TTC22: variants seen among roughly 807,000 people sequenced by gnomAD.
The protein encoded by TTC22 is tetratricopeptide repeat domain 22.
Under a neutral mutation model 48.2 loss-of-function variants are expected in TTC22, and 42 were observed. The observed-to-expected ratio is 0.87, with a 90% CI of 0.68 to 1.13. The LOEUF is 1.13. TTC22 is among the 50% of genes most tolerant of loss of function. TTC22 has a pLI of 0.00. For synonymous variants in TTC22, 345 were observed against 365.5 expected, an observed-to-expected ratio of 0.94 and a Z score of 0.64; for missense variants, 784 against 807.0, an observed-to-expected ratio of 0.97 and a Z score of 0.34.
chr1:54,797,915 C>T (rs1026254460), intron 1 of TTC22, among the ~76,000 whole-genome samples: 5 of 152,130 alleles, frequency 3.3e-5, no homozygotes, highest in African/African-American at 7.2e-5. Context: ...GAAAATCTCT[C>T]GCTGCAGGGG....
chr1:54,787,686 T>C (rs746628921), intron 3 of TTC22, 25 bp downstream of exon 3: 2 of 1,569,502 alleles, frequency 1.3e-6, no homozygotes, highest in South Asian at 1.1e-5. Flanking sequence ...GAGGCTGCTG[T>C]CCCACCCATC....
At chr1:54,790,832 T>G (rs1007749718) in intron 1 of TTC22, among the ~76,000 whole-genome samples, 4 of 151,832 alleles carry the variant, frequency 2.6e-5, no homozygotes, top group African/African-American at 9.7e-5. Context: ...TCTTCTTCCT[T>G]CTTCTTCTCC....
intron 5 of TTC22, chr1:54,785,782 C>T: frequency 3.5e-6 from 2 of 564,324 alleles, no homozygotes; most frequent in East Asian, 3.1e-5. Flanking sequence ...CACCATACTC[C>T]AGTTGGGTGA....
intron 1 of TTC22, among the ~76,000 whole-genome samples, chr1:54,799,859 T>C (rs1646419420): frequency 6.6e-6 from 1 of 152,234 alleles, no homozygotes; most frequent in South Asian, 2.1e-4. Flanking sequence ...AAGTGAGGGA[T>C]GTCCCTGTTT....
chr1:54,786,344 C>T (rs1314609056), intron 4 of TTC22, 200 bp from the exon 5 acceptor site: 1 of 528,164 alleles, frequency 1.9e-6, no homozygotes, highest in Non-Finnish European at 3.4e-6. Flanking sequence ...AACCTATTGG[C>T]ACTCAACTCC....
At chr1:54,791,735 G>A (rs1646353370) in intron 1 of TTC22, among the ~76,000 whole-genome samples, 2 of 152,098 alleles carry the variant, frequency 1.3e-5, no homozygotes, top group East Asian at 1.9e-4. Context: ...CAGTGTTGGA[G>A]ACTAATGTGT....
At position 54,800,448 on chromosome 1, in the gene TTC22, C is replaced by CG. The variant is rs1646424034; in HGVS notation, c.567+148dup. On this transcript the variant is annotated intron_variant, in intron 1 of 6. Transcript: ENST00000371276. ...GAGCTACAGGCCTGGCTGGGGCAGG[C>CG]GGGGGATGCACATTGGAAAGGCATT... is the stretch of plus-strand genomic sequence containing the variant. 1.9e-5 allele frequency: 13 copies of CG among 686,652 alleles called. No homozygotes were observed. In the East Asian group the frequency reaches 4.3e-4, roughly 23 times the overall value. The allele number at this position is 686,652 out of a possible 1,614,324, so 42.5% of individuals were successfully genotyped here.
intron 5 of TTC22, chr1:54,784,922 A>C: frequency 1.6e-5 from 9 of 552,072 alleles, no homozygotes; most frequent in Non-Finnish European, 2.5e-5. Context: ...TGCAGAGCTG[A>C]ATGACTATGC....
At chr1:54,794,670 C>T (rs1305960085) in intron 1 of TTC22, 3 of 152,220 alleles carry the variant, frequency 2.0e-5, no homozygotes, top group Admixed American at 2.0e-4. Flanking sequence ...CTGGGCTCCT[C>T]AGTGCATCAT....
At chr1:54,800,513 T>C in intron 1 of TTC22, 84 bp downstream of exon 1, 1 of 1,195,028 alleles carries the variant, frequency 8.4e-7, no homozygotes, top group Non-Finnish European at 1.1e-6. Flanking sequence ...GAGTCAGGGG[T>C]ACCGGGGCAT....
rs1412362629 is a variant in TTC22, at chr1:54,781,674, GCTCCGACTC to G, written c.1270_1278del (p.Glu424_Glu426del). ...TGCAGCTCGGGCAGCGTGGCACCCAGCTCCGACTCGCCCGCCTTGGCCAGGAACACCAGC... is the reference window on the plus strand; with the variant it reads ...TGCAGCTCGGGCAGCGTGGCACCCAGGCCCGCCTTGGCCAGGAACACCAGC... On this transcript the variant is annotated inframe_deletion, in exon 7 of 7. Coordinates refer to ENST00000371276, the MANE Select transcript of TTC22 (RefSeq NM_001114108.2). 6.5e-7 allele frequency: 1 copy of G among 1,530,778 alleles called. No individual in the cohort carries two copies. The highest frequency in any genetic ancestry group is 1.2e-5 in the South Asian group (1 of 83,164). 94.8% of individuals were successfully genotyped at this position (1,530,778 alleles called of 1,614,324 possible).
At chr1:54,800,148 G>A (rs1348875199) in intron 1 of TTC22, among the ~76,000 whole-genome samples, 1 of 152,180 alleles carries the variant, frequency 6.6e-6, no homozygotes, top group Non-Finnish European at 1.5e-5. Context: ...AGGCACTGAG[G>A]GGAGTGTGCG....
chr1:54,788,193 G>T lies in TTC22; in HGVS notation c.568-96C>A, dbSNP rs1646321473. 4 of 1,204,114 alleles carry T rather than the reference G, an allele frequency of 3.3e-6. No individual in the cohort carries two copies. The East Asian group carries it at 7.0e-5, about 21-fold the overall frequency. 74.6% of individuals were successfully genotyped at this position (1,204,114 alleles called of 1,614,324 possible). ...CTCACTGAACCCCAAGAGGCAGCAGGCACAAGTGGGAAGGGCTTTGACCTT... is the reference window on the plus strand; with the variant it reads ...CTCACTGAACCCCAAGAGGCAGCAGTCACAAGTGGGAAGGGCTTTGACCTT... On this transcript the variant is annotated intron_variant, in intron 1 of 6. Coordinates refer to ENST00000371276, the MANE Select transcript of TTC22 (RefSeq NM_001114108.2).
Position 54,780,423 on chromosome 1 carries a change from G to C in TTC22, c.*820C>G, listed in dbSNP as rs922495411. 1 of 151,150 alleles carries C rather than the reference G, an allele frequency of 6.6e-6. No homozygotes were observed. Among genetic ancestry groups the C allele is most frequent in the Non-Finnish European group, 1.5e-5 (1 of 67,936 alleles). 9.4% of individuals were successfully genotyped at this position (151,150 alleles called of 1,614,324 possible). ...AGATCGCTTGAACCCAGGAGATGGAGGTTGCAGTGGGCCAAGATCGTGCCA... is the reference window on the plus strand; with the variant it reads ...AGATCGCTTGAACCCAGGAGATGGACGTTGCAGTGGGCCAAGATCGTGCCA... On this transcript the variant is annotated 3_prime_UTR_variant, in exon 7 of 7. Coordinates refer to ENST00000371276, the MANE Select transcript of TTC22 (RefSeq NM_001114108.2).
In TTC22 at chr1:54,788,679, A is replaced by G. The variant is rs1156532229; in HGVS notation, c.568-582T>C. 3.9e-5 allele frequency among the ~76,000 whole-genome samples: 6 copies of G among 152,226 alleles called. 1 individual carries two copies. The highest frequency in any genetic ancestry group is 8.8e-5 in the Non-Finnish European group (6 of 68,008). ...AAACCAGTAAAACCCCCCAGTGCAT[A>G]TCAGCAGCTCTCCCTCAGGCTCCAG... On this transcript the variant is annotated intron_variant, in intron 1 of 6. Coordinates refer to ENST00000371276, the MANE Select transcript of TTC22 (RefSeq NM_001114108.2).
At position 54,781,279 on chromosome 1, in the gene TTC22, G is replaced by A. The variant is rs1557769349; in HGVS notation, c.1674C>T (p.Ala558=). ...FETMEREGEG[A]SAPRDRRAVS... Reference sequence around the variant, plus strand: ...CAGCCCGGCGGTCCCGCGGCGCGCTGGCGCCCTCGCCCTCGCGCTCCATGG... The same window carrying A: ...CAGCCCGGCGGTCCCGCGGCGCGCTAGCGCCCTCGCCCTCGCGCTCCATGG... Residue 558 remains alanine (A), a synonymous_variant, in exon 7 of 7, where the codon GCC becomes GCT. Coordinates refer to ENST00000371276, the MANE Select transcript of TTC22 (RefSeq NM_001114108.2). 4.7e-6 allele frequency: 7 copies of A among 1,478,206 alleles called. No individual in the cohort carries two copies. Among genetic ancestry groups the A allele is most frequent in the Non-Finnish European group, 6.2e-6 (7 of 1,122,766 alleles). 91.6% of individuals were successfully genotyped at this position (1,478,206 alleles called of 1,614,324 possible).
In TTC22 at chr1:54,787,011, C is replaced by A; in HGVS notation, c.804G>T (p.Met268Ile). 6.4e-7 allele frequency: 1 copy of A among 1,562,714 alleles called. No homozygotes were observed. Among genetic ancestry groups the A allele is most frequent in the South Asian group, 1.2e-5 (1 of 83,736 alleles). Residue 268 changes from methionine (M) to isoleucine (I), a missense_variant, in exon 4 of 7, where the codon ATG becomes ATT. Coordinates refer to ENST00000371276, the MANE Select transcript of TTC22 (RefSeq NM_001114108.2). ...ERKDTFSTTP[M>I]GVHDCGYSGT... ...CTGAGTACCCGCAGTCATGGACGCC[C>A]ATGGGGGTGGTGGAGAAGGTGTCCT...
chr1:54,798,390 C>T (rs918414015), intron 1 of TTC22, among the ~76,000 whole-genome samples: 3 of 152,208 alleles, frequency 2.0e-5, no homozygotes, highest in African/African-American at 7.2e-5. Flanking sequence ...CCACAGGGCC[C>T]GGACTTTCCA....
chr1:54,783,795 A>G (rs989296267), intron 5 of TTC22, among the ~76,000 whole-genome samples: 2 of 152,176 alleles, frequency 1.3e-5, no homozygotes, highest in Non-Finnish European at 2.9e-5. Flanking sequence ...ATTTGAAACC[A>G]GCCTGGGCAA....
Sources: allele counts gnomAD v4.1 joint callset (sites outside exome capture counted in the v4.1 genomes callset), GRCh38; gene constraint gnomAD v4.1.1; transcripts MANE v1.5; gene names NCBI Gene and HGNC (gene_info 2026-07-23, HGNC 2026-07-21).